The following SLC9A9 variants were observed in gnomAD, a reference collection of about 807,000 sequenced individuals.
SLC9A9 encodes the protein sodium/hydrogen exchanger 9.
A neutral mutation model predicts 77.8 loss-of-function variants in SLC9A9; 62 were observed. The ratio of observed to expected loss-of-function variants is 0.80; its 90% CI spans 0.65 to 0.98. SLC9A9 has a LOEUF of 0.98. Ranked by LOEUF, SLC9A9 falls within the 50% of genes least tolerant of loss-of-function variation. The pLI, the probability that SLC9A9 is intolerant of heterozygous loss-of-function variation, is 0.00. For missense variants in SLC9A9, 775 were observed against 774.9 expected (o/e 1.00, Z 0.00); for synonymous variants, 320 against 283.5 (o/e 1.13, Z -1.29).
chr3:143,543,173 A>T (rs565224998), intron 9 of SLC9A9, among the ~76,000 whole-genome samples: 1 of 152,336 alleles, frequency 6.6e-6, no homozygotes, highest in African/African-American at 2.4e-5. Context: ...TATTACCCTT[A>T]TAGGATAGAA....
At chr3:143,621,620 A>G (rs890982990) in intron 6 of SLC9A9, among the ~76,000 whole-genome samples, 9 of 152,230 alleles carry the variant, frequency 5.9e-5, no homozygotes, top group Admixed American at 2.6e-4. Flanking sequence ...TCTGTATGTC[A>G]CCATCATCAA....
intron 12 of SLC9A9, among the ~76,000 whole-genome samples, chr3:143,413,019 G>A (rs1214285880): frequency 6.6e-6 from 1 of 152,154 alleles, no homozygotes; most frequent in Non-Finnish European, 1.5e-5. Context: ...AGGGATTTGT[G>A]GGCTTTCCCT....
chr3:143,524,186 A>AT (rs1378111850), intron 9 of SLC9A9, among the ~76,000 whole-genome samples: 1 of 151,566 alleles, frequency 6.6e-6, no homozygotes, highest in Non-Finnish European at 1.5e-5. Context: ...GATAGAAAAA[A>AT]AAAAAACTAA....
rs532108505 is a variant in SLC9A9, at chr3:143,579,899, C to T, written c.756-1176G>A. Among the ~76,000 whole-genome samples the T allele has an allele frequency of 7.9e-5, 12 of 152,188 alleles. No individual in the cohort carries two copies. The South Asian group carries it at 2.3e-3, about 29-fold the overall frequency. Reference sequence around the variant, plus strand: ...AATGCTTCTACAGGAAGATGTGTGGCATCAAAAAAGGTAGTTTTAAATGGT... The same window carrying T: ...AATGCTTCTACAGGAAGATGTGTGGTATCAAAAAAGGTAGTTTTAAATGGT... On this transcript the variant is annotated intron_variant, in intron 6 of 15. Transcript: ENST00000316549.
intron 14 of SLC9A9, among the ~76,000 whole-genome samples, chr3:143,313,803 T>C (rs1225919509): frequency 6.6e-6 from 1 of 152,132 alleles, no homozygotes; most frequent in Non-Finnish European, 1.5e-5. Flanking sequence ...TGGCCCTGGT[T>C]GGGGTGACGG....
chr3:143,426,721 G>T (rs973510114), intron 12 of SLC9A9, among the ~76,000 whole-genome samples: 24 of 152,202 alleles, frequency 1.6e-4, no homozygotes, highest in Non-Finnish European at 2.9e-4. Flanking sequence ...AATTATTTAG[G>T]TTAATAGAAA....
At chr3:143,538,080 C>T (rs1242968629) in intron 9 of SLC9A9, among the ~76,000 whole-genome samples, 2 of 152,150 alleles carry the variant, frequency 1.3e-5, no homozygotes, top group Admixed American at 6.5e-5. Flanking sequence ...GTGTTTTCTG[C>T]CTAGAACATA....
Position 143,847,723 on chromosome 3 carries a change from A to G in SLC9A9, c.175+425T>C, listed in dbSNP as rs138666403. On this transcript the variant is annotated intron_variant, in intron 1 of 15. Transcript: ENST00000316549. Reference sequence around the variant, plus strand: ...AGTTTTCTTCTTGAAATTAGTTGATATAAGAGGAATTACTCCAGGCATTTT... The same window carrying G: ...AGTTTTCTTCTTGAAATTAGTTGATGTAAGAGGAATTACTCCAGGCATTTT... 5.6e-3 allele frequency: 1,021 copies of G among 182,920 alleles called. 14 individuals are homozygous for G. Among genetic ancestry groups the G allele is most frequent in the African/African-American group, 0.022 (955 of 42,494 alleles). The allele number at this position is 182,920 out of a possible 1,614,324, so 11.3% of individuals were successfully genotyped here.
At chr3:143,298,660 T>G (rs1293806553) in intron 14 of SLC9A9, among the ~76,000 whole-genome samples, 1 of 152,204 alleles carries the variant, frequency 6.6e-6, no homozygotes, top group Non-Finnish European at 1.5e-5. Context: ...TGGTCTATTC[T>G]TATACTTTGA....
intron 4 of SLC9A9, among the ~76,000 whole-genome samples, chr3:143,744,281 G>A (rs569588302): frequency 7.9e-5 from 12 of 152,246 alleles, no homozygotes; most frequent in South Asian, 2.1e-4. Context: ...GGTGGAAACC[G>A]CTGATACCCC....
chr3:143,417,415 G>T (rs1046702257), intron 12 of SLC9A9, among the ~76,000 whole-genome samples: 1 of 150,694 alleles, frequency 6.6e-6, no homozygotes, highest in Non-Finnish European at 1.5e-5. Context: ...TAATGGTAGG[G>T]TCCTAATTTG....
intron 2 of SLC9A9, among the ~76,000 whole-genome samples, chr3:143,826,792 C>T (rs1048116013): frequency 1.3e-5 from 2 of 152,190 alleles, no homozygotes; most frequent in African/African-American, 2.4e-5. Context: ...GTCCCCCCAA[C>T]ACCACACATA....
chr3:143,412,782 C>T (rs754098170), intron 12 of SLC9A9, among the ~76,000 whole-genome samples: 37 of 152,226 alleles, frequency 2.4e-4, no homozygotes, highest in Non-Finnish European at 4.6e-4. Flanking sequence ...CTCTTCCACC[C>T]CAAACTCTAA....
intron 5 of SLC9A9, among the ~76,000 whole-genome samples, chr3:143,684,671 G>A (rs541769906): frequency 7.2e-5 from 11 of 152,134 alleles, no homozygotes; most frequent in African/African-American, 2.4e-4. Flanking sequence ...GAGACATTTG[G>A]GCAGGAGTTT....
chr3:143,569,998 G>T (rs2037232992), intron 8 of SLC9A9, among the ~76,000 whole-genome samples: 1 of 150,940 alleles, frequency 6.6e-6, no homozygotes. Flanking sequence ...TAGAGACAGG[G>T]TCTCACTATG....
At chr3:143,372,661 T>C (rs1415092603) in intron 13 of SLC9A9, among the ~76,000 whole-genome samples, 1 of 151,994 alleles carries the variant, frequency 6.6e-6, no homozygotes. Flanking sequence ...AAATAAATTA[T>C]CAATAGAGCA....
At position 143,472,395 on chromosome 3, in the gene SLC9A9, G is replaced by T. The variant is rs148557220; in HGVS notation, c.1316-5205C>A. ...TTAAGGCACTGAAATAAATGGTGAGGCAAAAGAGACCTTTGTGTACATAAT... is the reference window on the plus strand; with the variant it reads ...TTAAGGCACTGAAATAAATGGTGAGTCAAAAGAGACCTTTGTGTACATAAT... On this transcript the variant is annotated intron_variant, in intron 11 of 15. Transcript: ENST00000316549. Among the ~76,000 whole-genome samples the T allele has an allele frequency of 2.6e-5, 4 of 152,286 alleles. No homozygotes were observed. In the East Asian group the frequency reaches 7.7e-4, roughly 29 times the overall value.
At chr3:143,529,448 A>G (rs2036466885) in intron 9 of SLC9A9, among the ~76,000 whole-genome samples, 1 of 152,154 alleles carries the variant, frequency 6.6e-6, no homozygotes, top group African/African-American at 2.4e-5. Context: ...GGGCATTATG[A>G]AGTTTTGTTT....
At chr3:143,517,678 A>G in intron 9 of SLC9A9, 1 of 1,597,512 alleles carries the variant, frequency 6.3e-7, no homozygotes, top group Admixed American at 1.7e-5. Context: ...GCCACTTGTA[A>G]GGCTGAGCTG....
Sources: gnomAD v4.1 joint callset for allele counts (sites outside exome capture counted in the v4.1 genomes callset) on GRCh38, gnomAD v4.1.1 for gene constraint, MANE v1.5 for transcripts, NCBI Gene and HGNC (gene_info 2026-07-23, HGNC 2026-07-21) for gene names.